DPP6: variants seen among roughly 807,000 people sequenced by gnomAD.
The protein encoded by DPP6 is A-type potassium channel modulatory protein DPP6.
DPP6 carries 69 observed loss-of-function variants against 122.6 expected under a neutral mutation model. The ratio of observed to expected loss-of-function variants is 0.56; its 90% CI spans 0.46 to 0.69. The LOEUF is 0.69. Among genes scored for constraint, DPP6 ranks in the 30% least tolerant of loss-of-function variants. The probability of loss-of-function intolerance (pLI) is 0.00; values close to 1 mark genes in which losing one functional copy is unlikely to be tolerated. For synonymous variants in DPP6, 418 were observed against 433.1 expected (o/e 0.97, Z 0.43); for missense variants, 928 against 1,116.9 (o/e 0.83, Z 2.41).
chr7:154,250,397 G>A (rs1293217087), intron 1 of DPP6, among the ~76,000 whole-genome samples: 1 of 152,110 alleles, frequency 6.6e-6, no homozygotes, highest in Non-Finnish European at 1.5e-5. Context: ...GCCTGCATTT[G>A]GGAGGGCGTG....
chr7:153,830,585 G>A, the DPP6 span, among the ~76,000 whole-genome samples: 1 of 152,182 alleles, frequency 6.6e-6, no homozygotes, highest in African/African-American at 2.4e-5. Context: ...ATTGAGCATG[G>A]ACAGGAGCTC....
At position 154,017,703 on chromosome 7, in the gene DPP6, A is replaced by G. The variant is rs565124296; in HGVS notation, c.51+129969A>G. On this transcript the variant is annotated intron_variant, in intron 1 of 25. Transcript: ENST00000404039. The stretch of plus-strand genomic sequence containing the variant: ...TGACAGAGTGAGCCCTTGTCCTAAA[A>G]AAAATAAAAAAAAAATAAAAAAATA... Among the ~76,000 whole-genome samples, 7 of 146,406 alleles carry G rather than the reference A, an allele frequency of 4.8e-5. 1 individual carries two copies. The highest frequency in any genetic ancestry group is 2.7e-4 in the Admixed American group (4 of 14,964).
chr7:154,031,989 G>A (rs1799260940), intron 1 of DPP6, among the ~76,000 whole-genome samples: 1 of 149,312 alleles, frequency 6.7e-6, no homozygotes, highest in Admixed American at 6.7e-5. Context: ...AGCCTCCCGA[G>A]TAGCTGGGAC....
intron 1 of DPP6, among the ~76,000 whole-genome samples, chr7:154,254,951 T>C (rs1287043155): frequency 6.6e-6 from 1 of 152,066 alleles, no homozygotes; most frequent in African/African-American, 2.4e-5. Context: ...GTATTTCCTT[T>C]GCAATTTGCA....
intron 1 of DPP6, chr7:154,058,008 A>G (rs1801015801): frequency 6.7e-6 from 1 of 149,708 alleles, no homozygotes; most frequent in Non-Finnish European, 1.5e-5. Context: ...CCTGAACATA[A>G]AGGCCCCCCA....
chr7:154,231,228 G>T (rs1405467609), intron 1 of DPP6, among the ~76,000 whole-genome samples: 1 of 152,158 alleles, frequency 6.6e-6, no homozygotes, highest in Non-Finnish European at 1.5e-5. Flanking sequence ...TGATGTCTTT[G>T]ACATGGATAG....
At chr7:153,769,937 G>A in the DPP6 span, among the ~76,000 whole-genome samples, 1 of 152,162 alleles carries the variant, frequency 6.6e-6, no homozygotes, top group Non-Finnish European at 1.5e-5. Flanking sequence ...GTGAGGGACA[G>A]TGGAGTCCCT....
intron 1 of DPP6, among the ~76,000 whole-genome samples, chr7:154,289,430 G>T (rs868114555): frequency 6.6e-6 from 1 of 152,142 alleles, no homozygotes; most frequent in Non-Finnish European, 1.5e-5. Flanking sequence ...CAGCAACATT[G>T]AATCCAGGGT....
At chr7:153,813,997 C>A in the DPP6 span, among the ~76,000 whole-genome samples, 3 of 151,622 alleles carry the variant, frequency 2.0e-5, no homozygotes, top group East Asian at 5.8e-4. Flanking sequence ...ATGGTAGTTT[C>A]TTTTGCTGTG....
At chr7:154,694,809 A>G (rs1406522207) in intron 7 of DPP6, among the ~76,000 whole-genome samples, 1 of 152,094 alleles carries the variant, frequency 6.6e-6, no homozygotes, top group East Asian at 1.9e-4. Context: ...TCATGCTGAT[A>G]CCAGGACAGT....
chr7:153,917,432 C>T (rs751617253), intron 1 of DPP6, among the ~76,000 whole-genome samples: 1 of 152,200 alleles, frequency 6.6e-6, no homozygotes, highest in Non-Finnish European at 1.5e-5. Flanking sequence ...CCTGGATATC[C>T]TCCATGAAGC....
At chr7:153,950,556 A>G (rs1320663587) in intron 1 of DPP6, among the ~76,000 whole-genome samples, 2 of 152,166 alleles carry the variant, frequency 1.3e-5, no homozygotes, top group Non-Finnish European at 2.9e-5. Flanking sequence ...AAGAAGCGGT[A>G]TTGAGAGGTA....
At chr7:154,010,852 C>G (rs941828015) in intron 1 of DPP6, among the ~76,000 whole-genome samples, 2 of 152,168 alleles carry the variant, frequency 1.3e-5, no homozygotes, top group Admixed American at 1.3e-4. Context: ...CCATTTGGTT[C>G]CTGGCAGAAA....
chr7:153,892,630 A>G (rs527617487), intron 1 of DPP6, among the ~76,000 whole-genome samples: 2 of 152,202 alleles, frequency 1.3e-5, no homozygotes, highest in African/African-American at 4.8e-5. Context: ...GTCTGTGGGG[A>G]CAGCATTTCT....
At chr7:154,648,917 TA>T (rs59039501) in intron 6 of DPP6, among the ~76,000 whole-genome samples, 12,898 of 148,752 alleles carry the variant, frequency 0.087, 598 homozygotes, top group Non-Finnish European at 0.099. Context: ...GACTCCATCT[TA>T]AAAAAAAAAA....
chr7:153,936,398 G>C (rs1471277756), intron 1 of DPP6, among the ~76,000 whole-genome samples: 1 of 152,146 alleles, frequency 6.6e-6, no homozygotes, highest in Admixed American at 6.5e-5. Context: ...GCTGTTCTGG[G>C]GAGACCGCGA....
intron 1 of DPP6, among the ~76,000 whole-genome samples, chr7:154,410,489 T>A (rs1338516385): frequency 3.3e-5 from 5 of 152,240 alleles, no homozygotes; most frequent in Non-Finnish European, 7.3e-5. Context: ...ATTGAGATCT[T>A]TTTGATTCTG....
chr7:154,043,051 T>G (rs1799840751), intron 1 of DPP6, among the ~76,000 whole-genome samples: 1 of 152,146 alleles, frequency 6.6e-6, no homozygotes, highest in Admixed American at 6.5e-5. Context: ...TGAAGTTTTT[T>G]GATTGGTGGA....
At chr7:153,857,332 C>A in the DPP6 span, among the ~76,000 whole-genome samples, 1 of 149,558 alleles carries the variant, frequency 6.7e-6, no homozygotes, top group Admixed American at 6.7e-5. Context: ...TTCTCTCTCT[C>A]TCTCTCTCTC....
Sources: allele counts gnomAD v4.1 joint callset (sites outside exome capture counted in the v4.1 genomes callset), GRCh38; gene constraint gnomAD v4.1.1; transcripts MANE v1.5; gene names NCBI Gene and HGNC (gene_info 2026-07-23, HGNC 2026-07-21).